The following RBM44 variants were observed in gnomAD, a reference collection of about 807,000 sequenced individuals.
RBM44 encodes RNA-binding protein 44.
Under a neutral mutation model 105.1 loss-of-function variants are expected in RBM44, and 66 were observed. That is an observed-to-expected ratio of 0.63 (90% CI 0.52 to 0.77). RBM44 has a LOEUF of 0.77. RBM44 is among the 30% of genes least tolerant of loss of function. The pLI is 0.00. For synonymous variants in RBM44, 365 were observed against 417.6 expected (o/e 0.87, Z 1.54); for missense variants, 1,122 against 1,207.8 (o/e 0.93, Z 1.05).
At chr2:237,822,794 A>T (rs1418571041) in intron 8 of RBM44, among the ~76,000 whole-genome samples, 1 of 152,024 alleles carries the variant, frequency 6.6e-6, no homozygotes, top group East Asian at 1.9e-4. Flanking sequence ...AACAATATTG[A>T]TTTTAAGTTG....
chr2:237,828,610 C>G (rs2061872458), intron 12 of RBM44, among the ~76,000 whole-genome samples: 1 of 152,106 alleles, frequency 6.6e-6, no homozygotes, highest in Non-Finnish European at 1.5e-5. Flanking sequence ...AAAACAGCCA[C>G]TCTTCCCGGG....
intron 1 of RBM44, among the ~76,000 whole-genome samples, chr2:237,805,028 T>C (rs2061584582): frequency 6.6e-6 from 1 of 152,160 alleles, no homozygotes; most frequent in Admixed American, 6.5e-5. Context: ...ATAAAAGGCA[T>C]CCAAATAGGA....
rs1428789573 is a variant in RBM44 at position 237,818,685 on chromosome 2, GCTTTTGTGAGAA to G, written c.1677+90_1677+101del. ...AGTGTTTTTGGTTCGTTGAATTAAG[GCTTTTGTGAGAA>G]GATGCTAGATGAGGGGAGTAAATTA... is the stretch of plus-strand genomic sequence containing the variant. On this transcript the variant is annotated intron_variant, in intron 3 of 15. Transcript: ENST00000316997. This position sits in a 1 kb window ranked among gnomAD's most constrained non-coding sequence, Gnocchi z 4.6. The G allele has an allele frequency of 1.1e-6, 1 of 899,186 alleles. No individual in the cohort carries two copies. Among genetic ancestry groups the G allele is most frequent in the African/African-American group, 1.7e-5 (1 of 58,796 alleles). The allele number at this position is 899,186 out of a possible 1,614,324, so 55.7% of individuals were successfully genotyped here.
chr2:237,831,243 TGGG>T (rs61344701), intron 13 of RBM44, among the ~76,000 whole-genome samples: 2,885 of 107,724 alleles, frequency 0.027, 157 homozygotes, highest in African/African-American at 0.089. Flanking sequence ...TCCTTTTTTT[TGGG>T]GGGGGGGGGG....
At position 237,823,485 on chromosome 2, in the gene RBM44, C is replaced by G; in HGVS notation, c.2251C>G (p.Pro751Ala). 2 of 1,541,290 alleles carry G rather than the reference C, an allele frequency of 1.3e-6. No individual in the cohort carries two copies. The highest frequency in any genetic ancestry group is 1.8e-6 in the Non-Finnish European group (2 of 1,136,386). The change falls in exon 9 of 16, where the codon CCC becomes GCC. Residue 751 changes from proline (P) to alanine (A), a missense_variant. Pro to Ala is a conservative substitution (Grantham distance 27). Transcript: ENST00000316997. ...DNSHATQNIS[P>A]KKDDFKNGDI... ...TAGTCATGCTACACAAAACATATCA[C>G]CCAAGAAAGATGACTTTAAAAATGG...
At chr2:237,829,682 G>A (rs1576514615) in intron 13 of RBM44, among the ~76,000 whole-genome samples, 180 bp downstream of exon 13, 2 of 152,102 alleles carry the variant, frequency 1.3e-5, no homozygotes, top group South Asian at 4.1e-4. Context: ...TGTTCCTGGG[G>A]GGAAATCTAG....
In RBM44 at chr2:237,817,649, A is replaced by G. The variant is rs755737186; in HGVS notation, c.730A>G (p.Ile244Val). 37 of 1,612,814 alleles carry G rather than the reference A, an allele frequency of 2.3e-5. No homozygotes were observed. In the East Asian group the frequency reaches 4.2e-4, roughly 18 times the overall value. ...DNRVNSGSGS[I>V]ISFDSLDVYG... ...TCGTGTTAACTCGGGAAGTGGTTCT[A>G]TCATCTCTTTCGATTCACTTGATGT... The change falls in exon 3 of 16, where the codon ATC (isoleucine) becomes GTC (valine). Residue 244 changes from isoleucine to valine, a missense_variant. Coordinates refer to ENST00000316997, the MANE Select transcript of RBM44 (RefSeq NM_001080504.3).
In RBM44 at chr2:237,818,185, G is replaced by A; in HGVS notation, c.1266G>A (p.Gln422=). Residue 422 remains glutamine, a synonymous_variant, in exon 3 of 16, where the codon CAG becomes CAA. Coordinates refer to ENST00000316997, the MANE Select transcript of RBM44 (RefSeq NM_001080504.3). This position sits in a 1 kb window ranked among gnomAD's most constrained non-coding sequence, Gnocchi z 4.6. ...MLPKIAVRDN[Q]AIEDNTSLKV... ...CAAAGATCGCAGTCAGAGATAATCAGGCAATAGAAGATAATACGTCCCTAA... is the reference window on the plus strand; with the variant it reads ...CAAAGATCGCAGTCAGAGATAATCAAGCAATAGAAGATAATACGTCCCTAA... 6.2e-7 allele frequency: 1 copy of A among 1,613,162 alleles called. No individual in the cohort carries two copies. Among genetic ancestry groups the A allele is most frequent in the Non-Finnish European group, 8.5e-7 (1 of 1,179,520 alleles).
At position 237,802,858 on chromosome 2, in the gene RBM44, C is replaced by G. The variant is rs115352340; in HGVS notation, c.-19+3997C>G. ...TAATAGGGTAGACATGTATTTAACA[C>G]CATTAGAAATTGCCCGGTTTCCAAA... On this transcript the variant is annotated intron_variant, in intron 1 of 15. Transcript: ENST00000316997. Among the ~76,000 whole-genome samples, 792 of 152,324 alleles carry G rather than the reference C, an allele frequency of 5.2e-3. 7 individuals are homozygous for G. Among genetic ancestry groups the G allele is most frequent in the African/African-American group, 0.017 (716 of 41,562 alleles).
intron 13 of RBM44, among the ~76,000 whole-genome samples, chr2:237,830,628 A>G (rs1237434850): frequency 6.6e-6 from 1 of 152,198 alleles, no homozygotes; most frequent in African/African-American, 2.4e-5. Flanking sequence ...TGTTTTGCAT[A>G]TGGAATAGTT....
At chr2:237,838,144 C>A (rs1017456508) in intron 15 of RBM44, among the ~76,000 whole-genome samples, 1 of 152,148 alleles carries the variant, frequency 6.6e-6, no homozygotes, top group African/African-American at 2.4e-5. Flanking sequence ...CAGAGAAAAA[C>A]TGCTTGAAAA....
Position 237,818,207 on chromosome 2 carries a change from C to G in RBM44, c.1288C>G (p.Leu430Val), listed in dbSNP as rs1177664348. 6.2e-7 allele frequency: 1 copy of G among 1,613,178 alleles called. No individual in the cohort carries two copies. The highest frequency in any genetic ancestry group is 8.5e-7 in the Non-Finnish European group (1 of 1,179,526). ...TCAGGCAATAGAAGATAATACGTCC[C>G]TAAAAGTTGCTCATAGCAGTACCAC... The part of the protein sequence containing the change: ...DNQAIEDNTS[L>V]KVAHSSTTKK... Residue 430 changes from leucine (L) to valine (V), a missense_variant, in exon 3 of 16, where the codon CTA becomes GTA. Around this residue, in one of 3 missense-constraint regions of RBM44, gnomAD observed 918 missense variants for 955.3 expected, o/e 0.96. Transcript: ENST00000316997. This position sits in a 1 kb window ranked among gnomAD's most constrained non-coding sequence, Gnocchi z 4.6.
At chr2:237,829,969 G>A (rs1576514793) in intron 13 of RBM44, among the ~76,000 whole-genome samples, 1 of 151,912 alleles carries the variant, frequency 6.6e-6, no homozygotes, top group East Asian at 1.9e-4. Context: ...AAATTGCCTG[G>A]AGTCCCATAG....
chr2:237,817,093 A>ACTAGAGCAAAGAG lies in RBM44; in HGVS notation c.178_190dup (p.Asn64ArgfsTer5). The ACTAGAGCAAAGAG allele has an allele frequency of 6.2e-7, 1 of 1,608,584 alleles. No individual in the cohort carries two copies. Among genetic ancestry groups the ACTAGAGCAAAGAG allele is most frequent in the Middle Eastern group, 1.7e-4 (1 of 6,012 alleles). On this transcript the variant is annotated frameshift_variant, in exon 3 of 16. Transcript: ENST00000316997. LOFTEE classifies it high-confidence loss of function. ...CTGATGATGACTGGAATTCTTCGAC[A>ACTAGAGCAAAGAG]CTAGAGCAAAGAGCTAATAATAAAG...
chr2:237,817,649 A>T lies in RBM44; in HGVS notation c.730A>T (p.Ile244Phe). 6.2e-7 allele frequency: 1 copy of T among 1,612,932 alleles called. No individual in the cohort carries two copies. Among genetic ancestry groups the T allele is most frequent in the East Asian group, 2.2e-5 (1 of 44,810 alleles). ...TCGTGTTAACTCGGGAAGTGGTTCT[A>T]TCATCTCTTTCGATTCACTTGATGT... The part of the protein sequence containing the change: ...DNRVNSGSGS[I>F]ISFDSLDVYG... Residue 244 changes from isoleucine to phenylalanine, a missense_variant, in exon 3 of 16, where the codon ATC (isoleucine) becomes TTC (phenylalanine). Physicochemically the swap from Ile to Phe is conservative, Grantham distance 21. Coordinates refer to ENST00000316997, the MANE Select transcript of RBM44 (RefSeq NM_001080504.3).
Position 237,823,451 on chromosome 2 carries a change from A to T in RBM44, c.2217A>T (p.Ser739=), listed in dbSNP as rs368536286. ...ATCTTAATCCTCAGATGTCTTTATC[A>T]TCTGACAATAGTCATGCTACACAAA... ...LKKTLSQMSL[S]SDNSHATQNI... The change falls in exon 9 of 16, where the codon TCA becomes TCT. Residue 739 remains serine, a synonymous_variant. Transcript: ENST00000316997. 4.1e-6 allele frequency: 6 copies of T among 1,465,158 alleles called. No homozygotes were observed. The highest frequency in any genetic ancestry group is 5.6e-6 in the Non-Finnish European group (6 of 1,072,092). 90.8% of individuals were successfully genotyped at this position (1,465,158 alleles called of 1,614,324 possible).
At chr2:237,807,346 C>T (rs2150969230) in intron 1 of RBM44, among the ~76,000 whole-genome samples, 1 of 152,298 alleles carries the variant, frequency 6.6e-6, no homozygotes, top group East Asian at 1.9e-4. Context: ...GACGGAGTTT[C>T]ACCATGTTGG....
intron 1 of RBM44, among the ~76,000 whole-genome samples, chr2:237,813,142 C>T (rs940325827): frequency 3.9e-5 from 6 of 152,158 alleles, no homozygotes; most frequent in African/African-American, 1.4e-4. Context: ...CAACCTATCC[C>T]AGGCAGCTAC....
At chr2:237,809,058 T>A (rs1178953528) in intron 1 of RBM44, among the ~76,000 whole-genome samples, 1 of 152,200 alleles carries the variant, frequency 6.6e-6, no homozygotes, top group Non-Finnish European at 1.5e-5. Flanking sequence ...TATATGAATG[T>A]CCATTTCATG....
Sources: gnomAD v4.1 joint callset for allele counts (sites outside exome capture counted in the v4.1 genomes callset) on GRCh38, gnomAD v4.1.1 for gene constraint, gnomAD v4.1.1 regional missense constraint, Gnocchi (gnomAD v3.1) non-coding constraint, MANE v1.5 for transcripts, NCBI Gene and HGNC (gene_info 2026-07-23, HGNC 2026-07-21) for gene names.